Variants in IL31RA observed in about 807,000 individuals in gnomAD.
IL31RA encodes the protein interleukin 31 receptor A.
IL31RA carries 66 observed loss-of-function variants against 83.7 expected under a neutral mutation model. The observed-to-expected ratio is 0.79, with a 90% CI of 0.65 to 0.97. The LOEUF (loss-of-function observed/expected upper bound fraction) is 0.97, where lower values mean the gene tolerates loss of function less well. Ranked by LOEUF, IL31RA falls within the 50% of genes least tolerant of loss-of-function variation. The pLI is 0.00. For synonymous variants in IL31RA, 325 were observed against 329.0 expected (o/e 0.99, Z 0.13); for missense variants, 798 against 919.4 (o/e 0.87, Z 1.71).
chr5:55,847,636 T>G (rs534906626), upstream of IL31RA, among the ~76,000 whole-genome samples: 180 of 152,336 alleles, frequency 1.2e-3, 1 homozygote, highest in Non-Finnish European at 1.9e-3. Flanking sequence ...CCTTACTGTT[T>G]TCCCCATTGG....
rs768578396 is a variant in IL31RA, at chr5:55,854,612, G to T, written c.63+2979G>T. Among the ~76,000 whole-genome samples the T allele has an allele frequency of 3.2e-4, 49 of 151,974 alleles. 1 individual carries two copies. Among genetic ancestry groups the T allele is most frequent in the South Asian group, 1.0e-3 (5 of 4,814 alleles). On this transcript the variant is annotated intron_variant, in intron 1 of 14. Transcript: ENST00000652347. Reference sequence around the variant, plus strand: ...ATACAAAAATTACCTGGGCCTGTTGGCAGGCACCTGTAGTCCCAGCTACTT... The same window carrying T: ...ATACAAAAATTACCTGGGCCTGTTGTCAGGCACCTGTAGTCCCAGCTACTT...
intron 2 of IL31RA, 44 bp from the exon 3 acceptor site, chr5:55,868,747 C>T (rs1746334473): frequency 9.5e-7 from 1 of 1,058,132 alleles, no homozygotes; most frequent in Non-Finnish European, 1.5e-6. Context: ...TTATTGTGTA[C>T]TGAAATTTTT....
At chr5:55,893,218 G>A (rs1247931538) in intron 6 of IL31RA, among the ~76,000 whole-genome samples, 2 of 152,134 alleles carry the variant, frequency 1.3e-5, no homozygotes, top group Non-Finnish European at 2.9e-5. Context: ...TTTCTTAAAC[G>A]CTTATGATAT....
At chr5:55,889,840 G>A (rs764410337) in intron 5 of IL31RA, 130 bp from the exon 6 acceptor site, 4 of 808,052 alleles carry the variant, frequency 5.0e-6, no homozygotes, top group Non-Finnish European at 8.5e-6. Flanking sequence ...TAATAAAAAT[G>A]ATATATTTTA....
In IL31RA at chr5:55,917,250, C is replaced by T. The variant is rs1749845405; in HGVS notation, c.*130C>T. 1 of 1,580,198 alleles carries T rather than the reference C, an allele frequency of 6.3e-7. No individual in the cohort carries two copies. On this transcript the variant is annotated 3_prime_UTR_variant, in exon 15 of 15. Coordinates refer to ENST00000652347, the MANE Select transcript of IL31RA (RefSeq NM_139017.7). Reference sequence around the variant, plus strand: ...GCCTAGGTTAAAGTTTCCCCTGCCCCTTGAGCTGCCAGTTGAACTTGGTCG... The same window carrying T: ...GCCTAGGTTAAAGTTTCCCCTGCCCTTTGAGCTGCCAGTTGAACTTGGTCG...
chr5:55,900,296 G>T (rs1380687668), intron 8 of IL31RA, among the ~76,000 whole-genome samples, 164 bp downstream of exon 8: 1 of 152,182 alleles, frequency 6.6e-6, no homozygotes, highest in Non-Finnish European at 1.5e-5. Flanking sequence ...GGTAATTAAT[G>T]AATCACTTGA....
the IL31RA span, among the ~76,000 whole-genome samples, chr5:55,843,771 A>G: frequency 6.6e-6 from 1 of 152,292 alleles, no homozygotes; most frequent in Admixed American, 6.5e-5. Context: ...TGTTTCTGAA[A>G]TTAAGGCAGC....
intron 8 of IL31RA, among the ~76,000 whole-genome samples, chr5:55,905,045 C>CA (rs1749058484): frequency 6.6e-6 from 1 of 151,024 alleles, no homozygotes; most frequent in Non-Finnish European, 1.5e-5. Context: ...ACTAAAAATA[C>CA]AAAAAATTAG....
intron 1 of IL31RA, among the ~76,000 whole-genome samples, chr5:55,857,544 A>T (rs781415155): frequency 3.6e-4 from 55 of 152,268 alleles, no homozygotes; most frequent in Non-Finnish European, 6.8e-4. Context: ...TCATTAGCTC[A>T]TTTCTCTTTT....
At chr5:55,849,484 A>G (rs907932870), upstream of IL31RA, among the ~76,000 whole-genome samples, 6 of 152,170 alleles carry the variant, frequency 3.9e-5, no homozygotes, top group South Asian at 2.1e-4. Context: ...TGAGCCACAT[A>G]TTGGACTTTA....
At chr5:55,861,781 C>A (rs1745703745) in intron 2 of IL31RA, among the ~76,000 whole-genome samples, 1 of 152,220 alleles carries the variant, frequency 6.6e-6, no homozygotes, top group East Asian at 1.9e-4. Context: ...TTCCACTCTT[C>A]CTATGTTGTA....
rs1046817348 is a variant in IL31RA at position 55,922,255 on chromosome 5, G to A, written c.*5135G>A. 71 of 724,822 alleles carry A rather than the reference G, an allele frequency of 9.8e-5. No homozygotes were observed. The highest frequency in any genetic ancestry group is 2.4e-4 in the Admixed American group (12 of 49,732). The allele number at this position is 724,822 out of a possible 1,614,324, so 44.9% of individuals were successfully genotyped here. On this transcript the variant is annotated 3_prime_UTR_variant, in exon 15 of 15. Transcript: ENST00000652347. ...GGCTGTGCTGCCCAAGACGCTTGTC[G>A]TGTGCTGATGAAAAGGGCTGGGGAG...
intron 2 of IL31RA, among the ~76,000 whole-genome samples, chr5:55,864,078 G>A (rs556541439): frequency 2.0e-5 from 3 of 152,094 alleles, no homozygotes; most frequent in African/African-American, 4.8e-5. Flanking sequence ...GCAGGAGGCC[G>A]TAATGAGAAT....
intron 1 of IL31RA, chr5:55,852,054 T>C (rs1163276384): frequency 1.1e-5 from 3 of 281,824 alleles, no homozygotes; most frequent in Admixed American, 4.9e-5. Context: ...TGAGCTGTTA[T>C]GCATGTAATA....
intron 4 of IL31RA, among the ~76,000 whole-genome samples, chr5:55,873,770 G>GA (rs1324507303): frequency 6.6e-6 from 1 of 151,922 alleles, no homozygotes; most frequent in Non-Finnish European, 1.5e-5. Context: ...TGAGTTTTAA[G>GA]AATTGTTTAT....
intron 4 of IL31RA, among the ~76,000 whole-genome samples, chr5:55,882,505 G>T (rs1211597240): frequency 2.0e-5 from 3 of 152,120 alleles, no homozygotes; most frequent in African/African-American, 7.2e-5. Context: ...GATAATGGAT[G>T]ATTTTTAGTT....
In IL31RA at chr5:55,921,172, T is replaced by G. The variant is rs1750072934; in HGVS notation, c.*4052T>G. 6.6e-6 allele frequency among the ~76,000 whole-genome samples: 1 copy of G among 152,348 alleles called. No homozygotes were observed. Among genetic ancestry groups the G allele is most frequent in the Non-Finnish European group, 1.5e-5 (1 of 68,042 alleles). On this transcript the variant is annotated 3_prime_UTR_variant, in exon 15 of 15. Coordinates refer to ENST00000652347, the MANE Select transcript of IL31RA (RefSeq NM_139017.7). ...CCCCTCTTTTTTCTAATTTAAAATT[T>G]GTTTTAAATTCAACTTTACAGCAGT...
At position 55,922,345 on chromosome 5, in the gene IL31RA, C is replaced by T. The variant is rs1209258471; in HGVS notation, c.*5225C>T. 1.1e-5 allele frequency: 16 copies of T among 1,488,336 alleles called. No individual in the cohort carries two copies. The highest frequency in any genetic ancestry group is 8.5e-5 in the South Asian group (7 of 82,748). The allele number at this position is 1,488,336 out of a possible 1,614,324, so 92.2% of individuals were successfully genotyped here. On this transcript the variant is annotated 3_prime_UTR_variant, in exon 15 of 15. Coordinates refer to ENST00000652347, the MANE Select transcript of IL31RA (RefSeq NM_139017.7). Reference sequence around the variant, plus strand: ...CAAAACCTGCTGTCAGCAATGCTCTCGTGGCTGTTCAAGGGAAGTGAGATA... The same window carrying T: ...CAAAACCTGCTGTCAGCAATGCTCTTGTGGCTGTTCAAGGGAAGTGAGATA...
Position 55,913,500 on chromosome 5 carries a change from A to C in IL31RA, c.1666A>C (p.Thr556Pro). 1 of 1,613,222 alleles carries C rather than the reference A, an allele frequency of 6.2e-7. No individual in the cohort carries two copies. Among genetic ancestry groups the C allele is most frequent in the Non-Finnish European group, 8.5e-7 (1 of 1,179,182 alleles). ...SFSVFEIILITSLIGGGLLIL... is the reference protein window; with the variant it reads ...SFSVFEIILIPSLIGGGLLIL... ...AGGTGTCTTTGAGATTATCCTCATA[A>C]CTTCTCTGATTGGTGGAGGCCTTCT... Residue 556 changes from threonine to proline, a missense_variant, in exon 13 of 15, where the codon ACT (threonine) becomes CCT (proline). Thr to Pro is a conservative substitution (Grantham distance 38). Coordinates refer to ENST00000652347, the MANE Select transcript of IL31RA (RefSeq NM_139017.7).
Sources: gnomAD v4.1 joint callset for allele counts (sites outside exome capture counted in the v4.1 genomes callset) on GRCh38, gnomAD v4.1.1 for gene constraint, MANE v1.5 for transcripts, NCBI Gene and HGNC (gene_info 2026-07-23, HGNC 2026-07-21) for gene names.